The following SGCZ variants were observed in gnomAD, a reference collection of about 807,000 sequenced individuals.
SGCZ encodes zeta-sarcoglycan.
SGCZ carries 40 observed loss-of-function variants against 41.3 expected under a neutral mutation model. The ratio of observed to expected loss-of-function variants is 0.97; its 90% CI spans 0.75 to 1.26. The LOEUF is 1.26. Ranked by LOEUF, SGCZ falls within the 50% of genes most tolerant of loss-of-function variation. The pLI, the probability that SGCZ is intolerant of heterozygous loss-of-function variation, is 0.00. For missense variants in SGCZ, 552 were observed against 369.8 expected (o/e 1.49, Z -4.04); for synonymous variants, 206 against 137.5 (o/e 1.50, Z -3.49).
At chr8:14,721,298 A>C (rs1031392890) in intron 1 of SGCZ, among the ~76,000 whole-genome samples, 1 of 152,152 alleles carries the variant, frequency 6.6e-6, no homozygotes, top group African/African-American at 2.4e-5. Context: ...TTTCCTTAGA[A>C]CCAGAGATTT....
Position 14,505,096 on chromosome 8 carries a change from C to T in SGCZ, c.234+49636G>A, listed in dbSNP as rs552622616. Among the ~76,000 whole-genome samples, 167 of 152,116 alleles carry T rather than the reference C, an allele frequency of 1.1e-3. 2 individuals carry two copies. Among genetic ancestry groups the T allele is most frequent in the African/African-American group, 3.7e-3 (155 of 41,508 alleles). On this transcript the variant is annotated intron_variant, in intron 2 of 7. Transcript: ENST00000382080. ...CTCATGGGTTCACGACTGTAGTGGG[C>T]CGTGATCATGCCACCACACTCCAGC...
chr8:14,191,239 C>T (rs545769641), intron 4 of SGCZ, among the ~76,000 whole-genome samples: 4 of 151,986 alleles, frequency 2.6e-5, no homozygotes, highest in African/African-American at 7.2e-5. Flanking sequence ...GAATATTGAC[C>T]TTTATCAGTT....
intron 1 of SGCZ, among the ~76,000 whole-genome samples, chr8:14,787,707 A>G (rs1800814163): frequency 6.6e-6 from 1 of 152,038 alleles, no homozygotes; most frequent in Non-Finnish European, 1.5e-5. Context: ...TTAGCCAGGA[A>G]TGGTGGCACA....
At chr8:14,196,264 ATT>A (rs61326421) in intron 4 of SGCZ, among the ~76,000 whole-genome samples, 112 of 147,944 alleles carry the variant, frequency 7.6e-4, no homozygotes, top group East Asian at 1.8e-3. Flanking sequence ...AATTAGAGTA[ATT>A]TTTTTTTTTT....
chr8:14,471,731 T>G (rs908136364), intron 2 of SGCZ, among the ~76,000 whole-genome samples: 1 of 152,120 alleles, frequency 6.6e-6, no homozygotes, highest in African/African-American at 2.4e-5. Context: ...ATAATTTCCG[T>G]GCCCATTTAA....
chr8:14,118,175 G>T (rs1802582706), intron 5 of SGCZ, among the ~76,000 whole-genome samples: 1 of 152,064 alleles, frequency 6.6e-6, no homozygotes, highest in Non-Finnish European at 1.5e-5. Context: ...TTCCACAATG[G>T]TTGAACTAAT....
intron 2 of SGCZ, among the ~76,000 whole-genome samples, chr8:14,486,643 G>A (rs1286281150): frequency 2.0e-5 from 3 of 152,124 alleles, no homozygotes; most frequent in Non-Finnish European, 4.4e-5. Flanking sequence ...GCACCATCAC[G>A]GCTCACTGCA....
At chr8:14,987,597 C>T (rs2130888807) in intron 1 of SGCZ, among the ~76,000 whole-genome samples, 1 of 152,094 alleles carries the variant, frequency 6.6e-6, no homozygotes, top group South Asian at 2.1e-4. Flanking sequence ...CTTCCACTTA[C>T]ATACCCAGTC....
chr8:14,491,390 C>G (rs1042018586), intron 2 of SGCZ, among the ~76,000 whole-genome samples: 3 of 151,938 alleles, frequency 2.0e-5, no homozygotes, highest in Non-Finnish European at 4.4e-5. Flanking sequence ...TTTATCAGGA[C>G]TGTTCAAATG....
At chr8:14,993,539 A>T (rs543042435) in intron 1 of SGCZ, among the ~76,000 whole-genome samples, 11 of 152,222 alleles carry the variant, frequency 7.2e-5, no homozygotes, top group Non-Finnish European at 1.6e-4. Flanking sequence ...ACAGGATAGG[A>T]AATTCTTGGG....
rs2117168000 is a variant in SGCZ at position 14,237,604 on chromosome 8, G to C, written c.412C>G (p.Gln138Glu). 1 of 1,613,810 alleles carries C rather than the reference G, an allele frequency of 6.2e-7. No homozygotes were observed. Among genetic ancestry groups the C allele is most frequent in the East Asian group, 2.2e-5 (1 of 44,872 alleles). Residue 138 changes from glutamine to glutamate, a missense_variant, in exon 4 of 8, where the codon CAG becomes GAG. Gln to Glu is a conservative substitution (Grantham distance 29). Coordinates refer to ENST00000382080, the MANE Select transcript of SGCZ (RefSeq NM_139167.4). Reference sequence around the variant, plus strand: ...CCAAAACACTCACCTATGGTCAGCTGTCCGGTTAACTGCCCCATGTGATTT... The same window carrying C: ...CCAAAACACTCACCTATGGTCAGCTCTCCGGTTAACTGCCCCATGTGATTT... ...ARNHMGQLTGQLTIGADAVEA... is the reference protein window; with the variant it reads ...ARNHMGQLTGELTIGADAVEA...
intron 1 of SGCZ, among the ~76,000 whole-genome samples, chr8:15,007,135 A>G (rs965004927): frequency 6.6e-6 from 1 of 152,218 alleles, no homozygotes; most frequent in African/African-American, 2.4e-5. Context: ...AGCTGCTCCA[A>G]AGGAAGAGAT....
chr8:14,660,742 C>G (rs1001128539), intron 1 of SGCZ, among the ~76,000 whole-genome samples: 1 of 151,932 alleles, frequency 6.6e-6, no homozygotes, highest in Non-Finnish European at 1.5e-5. Flanking sequence ...AAAGGTCTTA[C>G]TGGGAAAGCT....
chr8:14,618,766 T>A (rs192808338), intron 1 of SGCZ, among the ~76,000 whole-genome samples: 1 of 152,020 alleles, frequency 6.6e-6, no homozygotes. Context: ...ACCGAGGTCA[T>A]GTGAAATGAA....
intron 1 of SGCZ, among the ~76,000 whole-genome samples, chr8:14,811,061 A>C (rs951820097): frequency 2.6e-5 from 4 of 152,010 alleles, no homozygotes; most frequent in Non-Finnish European, 4.4e-5. Flanking sequence ...AATAGAAGAA[A>C]GCTAAGCTTA....
chr8:15,233,357 A>C (rs2117213250), intron 1 of SGCZ, among the ~76,000 whole-genome samples: 1 of 151,826 alleles, frequency 6.6e-6, no homozygotes, highest in Admixed American at 6.6e-5. Context: ...AAAGAAAGAA[A>C]AAAATAGAAT....
At chr8:14,356,568 C>G (rs17119184) in intron 2 of SGCZ, among the ~76,000 whole-genome samples, 9,426 of 151,302 alleles carry the variant, frequency 0.062, 556 homozygotes, top group East Asian at 0.3. Context: ...TGTAGATGCT[C>G]CTGATGATGA....
intron 5 of SGCZ, among the ~76,000 whole-genome samples, chr8:14,117,481 CGTGT>C (rs146063958): frequency 7.0e-6 from 1 of 143,318 alleles, no homozygotes; most frequent in African/African-American, 2.6e-5. Flanking sequence ...GTACTTGACC[CGTGT>C]GTGTGTGTGT....
At chr8:14,396,144 T>G (rs1185106088) in intron 2 of SGCZ, among the ~76,000 whole-genome samples, 2 of 152,310 alleles carry the variant, frequency 1.3e-5, no homozygotes, top group Admixed American at 6.5e-5. Context: ...GTCAGTATTC[T>G]AATACTCTTT....
Sources: allele counts gnomAD v4.1 joint callset (sites outside exome capture counted in the v4.1 genomes callset), GRCh38; gene constraint gnomAD v4.1.1; transcripts MANE v1.5; gene names NCBI Gene and HGNC (gene_info 2026-07-23, HGNC 2026-07-21).